KANK1: variants seen among roughly 807,000 people sequenced by gnomAD.
KANK1 encodes the protein KN motif and ankyrin repeat domains 1.
In KANK1, 109 loss-of-function variants were observed where a neutral mutation model predicts 106.2. The ratio of observed to expected loss-of-function variants is 1.03; its 90% CI spans 0.88 to 1.20. The LOEUF is 1.20. KANK1 is among the 50% of genes most tolerant of loss of function. KANK1 has a pLI of 0.00. For synonymous variants in KANK1, 873 were observed against 652.2 expected, an observed-to-expected ratio of 1.34 and a Z score of -5.16; for missense variants, 2,399 against 1,710.7, an observed-to-expected ratio of 1.40 and a Z score of -7.10.
intron 10 of KANK1, among the ~76,000 whole-genome samples, chr9:743,180 A>T (rs1214102334): frequency 6.6e-6 from 1 of 152,218 alleles, no homozygotes; most frequent in East Asian, 1.9e-4. Context: ...ATCTCTGTGG[A>T]TCACAGGTTT....
At chr9:658,747 G>C (rs1842682958) in intron 1 of KANK1, among the ~76,000 whole-genome samples, 1 of 152,244 alleles carries the variant, frequency 6.6e-6, no homozygotes, top group Admixed American at 6.5e-5. Context: ...TTCCTTTTCT[G>C]AAAGAGTTTT....
chr9:732,660 A>G, intron 6 of KANK1, 43 bp downstream of exon 6: 1 of 1,597,718 alleles, frequency 6.3e-7, no homozygotes, highest in Admixed American at 1.7e-5. Context: ...TCCCACATTT[A>G]ATGTACTTTG....
At chr9:582,549 T>C (rs998376947) in intron 1 of KANK1, among the ~76,000 whole-genome samples, 1 of 152,180 alleles carries the variant, frequency 6.6e-6, no homozygotes, top group African/African-American at 2.4e-5. Flanking sequence ...ACAACCAGTT[T>C]AGATGATCAG....
chr9:478,485 T>C (rs1336500722), intron 3 of KANK1: 1 of 152,332 alleles, frequency 6.6e-6, no homozygotes, highest in Non-Finnish European at 1.5e-5. Context: ...CATGCACAGA[T>C]GTCAGTAGTA....
intron 7 of KANK1, 151 bp from the exon 8 acceptor site, chr9:738,134 T>A (rs188350000): frequency 6.3e-6 from 4 of 637,862 alleles, no homozygotes; most frequent in Admixed American, 5.8e-5. Context: ...GTTTGGTGTT[T>A]GAAGCTTCTC....
chr9:596,730 A>G (rs931284463), intron 1 of KANK1, among the ~76,000 whole-genome samples: 4 of 151,710 alleles, frequency 2.6e-5, no homozygotes, highest in African/African-American at 9.7e-5. Context: ...ACTTTTATTT[A>G]TTTTTAATGA....
intron 2 of KANK1, among the ~76,000 whole-genome samples, chr9:709,559 A>C (rs28635348): frequency 0.013 from 2,007 of 151,714 alleles, 43 homozygotes; most frequent in African/African-American, 0.045. Flanking sequence ...TCTATATTCC[A>C]AGAGACTGTA....
intron 3 of KANK1, among the ~76,000 whole-genome samples, chr9:724,528 T>C (rs1830174441): frequency 6.6e-6 from 1 of 152,074 alleles, no homozygotes; most frequent in African/African-American, 2.4e-5. Flanking sequence ...CCAGGCACGG[T>C]GGCTCACACC....
chr9:565,485 G>A (rs1817585609), intron 1 of KANK1, among the ~76,000 whole-genome samples: 4 of 152,206 alleles, frequency 2.6e-5, no homozygotes, highest in African/African-American at 4.8e-5. Context: ...GTGGCTAGCC[G>A]CATGGGAGAT....
chr9:601,344 G>A (rs1827695504), intron 1 of KANK1, among the ~76,000 whole-genome samples: 1 of 151,776 alleles, frequency 6.6e-6, no homozygotes, highest in Non-Finnish European at 1.5e-5. Flanking sequence ...TATGTTCCAT[G>A]ATCCAATCCA....
chr9:612,137 C>T (rs190683167), intron 1 of KANK1, among the ~76,000 whole-genome samples: 48 of 152,300 alleles, frequency 3.2e-4, no homozygotes, highest in Non-Finnish European at 6.0e-4. Context: ...CACAAAGCCA[C>T]CTATGCCTCT....
At chr9:606,284 C>T (rs2641974) in intron 1 of KANK1, among the ~76,000 whole-genome samples, 53,268 of 148,234 alleles carry the variant, frequency 0.36, 12,408 homozygotes, top group South Asian at 0.56. Context: ...GTGGTGGGGG[C>T]GGTGGCTCAC....
intron 1 of KANK1, among the ~76,000 whole-genome samples, chr9:550,190 C>T (rs1232824820): frequency 6.6e-6 from 1 of 152,026 alleles, no homozygotes; most frequent in Non-Finnish European, 1.5e-5. Context: ...GGTAGGTTCC[C>T]CCACCCCAAC....
chr9:712,274 A>G lies in KANK1; in HGVS notation c.1508A>G (p.Lys503Arg), dbSNP rs376130486. ...GCTGGATCGAGGAAAAAGGTTGACA[A>G]AGCCACGATGGCCCAGCCGCTTGTT... ...QAAGSRKKVDKATMAQPLVFS... is the reference protein window; with the variant it reads ...QAAGSRKKVDRATMAQPLVFS... The change falls in exon 3 of 12, where the codon AAA becomes AGA. Residue 503 changes from lysine (K) to arginine (R), a missense_variant. Lys to Arg is a conservative substitution (Grantham distance 26). Coordinates refer to ENST00000382297, the MANE Select transcript of KANK1 (RefSeq NM_015158.5). The G allele has an allele frequency of 9.3e-6, 15 of 1,614,108 alleles. No homozygotes were observed. The highest frequency in any genetic ancestry group is 6.7e-5 in the African/African-American group (5 of 74,942).
At chr9:553,381 A>T (rs150762360) in intron 1 of KANK1, among the ~76,000 whole-genome samples, 1 of 152,162 alleles carries the variant, frequency 6.6e-6, no homozygotes, top group African/African-American at 2.4e-5. Flanking sequence ...TTTTCTCCCT[A>T]TGATGAGGGG....
In KANK1 at chr9:671,200, C is replaced by T. The variant is rs114588628; in HGVS notation, c.-83-5690C>T. Among the ~76,000 whole-genome samples, 142 of 149,808 alleles carry T rather than the reference C, an allele frequency of 9.5e-4. 3 individuals carry two copies. The highest frequency in any genetic ancestry group is 3.2e-3 in the African/African-American group (130 of 40,776). On this transcript the variant is annotated intron_variant, in intron 1 of 11. Transcript: ENST00000382297. Reference sequence around the variant, plus strand: ...TGCATTTTTGAAATTCCTACCATTGCATTTAGAACCTTCTACCTGGTGGAG... The same window carrying T: ...TGCATTTTTGAAATTCCTACCATTGTATTTAGAACCTTCTACCTGGTGGAG...
At chr9:491,331 G>C (rs2058374445) in intron 3 of KANK1, among the ~76,000 whole-genome samples, 1 of 150,656 alleles carries the variant, frequency 6.6e-6, no homozygotes, top group African/African-American at 2.5e-5. Flanking sequence ...GCAGTGGCAT[G>C]ATCTCAGCTC....
chr9:649,040 A>G (rs1840326991), intron 1 of KANK1, among the ~76,000 whole-genome samples: 1 of 152,188 alleles, frequency 6.6e-6, no homozygotes, highest in South Asian at 2.1e-4. Context: ...TTCATCTGAC[A>G]TCTGACGTTA....
chr9:591,997 T>G (rs1043263421), intron 1 of KANK1, among the ~76,000 whole-genome samples: 2 of 151,632 alleles, frequency 1.3e-5, no homozygotes, highest in African/African-American at 4.9e-5. Context: ...TTTTCCTGTT[T>G]CCCCCTCCAG....
Sources: gnomAD v4.1 joint callset for allele counts (sites outside exome capture counted in the v4.1 genomes callset) on GRCh38, gnomAD v4.1.1 for gene constraint, MANE v1.5 for transcripts, NCBI Gene and HGNC (gene_info 2026-07-23, HGNC 2026-07-21) for gene names.